ARPC4: variants seen among roughly 807,000 people sequenced by gnomAD.
ARPC4 encodes actin related protein 2/3 complex subunit 4.
A neutral mutation model predicts 22.8 loss-of-function variants in ARPC4; 3 were observed. The observed-to-expected ratio is 0.13, with a 90% CI of 0.06 to 0.34. ARPC4 has a LOEUF of 0.34. Among genes scored for constraint, ARPC4 ranks in the 10% least tolerant of loss-of-function variants. The pLI, the probability that ARPC4 is intolerant of heterozygous loss-of-function variation, is 1.00. For missense variants in ARPC4, 98 were observed against 211.0 expected, an observed-to-expected ratio of 0.46 and a Z score of 3.32; for synonymous variants, 80 against 72.5, an observed-to-expected ratio of 1.10 and a Z score of -0.52.
chr3:9,795,417 A>G (rs959823845), intron 1 of ARPC4, among the ~76,000 whole-genome samples: 2 of 152,114 alleles, frequency 1.3e-5, no homozygotes, highest in Non-Finnish European at 2.9e-5. Context: ...CCACAGAGCC[A>G]TCATGCAGCT....
intron 1 of ARPC4, among the ~76,000 whole-genome samples, chr3:9,793,429 C>T (rs2078800648): frequency 6.6e-6 from 1 of 152,154 alleles, no homozygotes; most frequent in Non-Finnish European, 1.5e-5. Flanking sequence ...TGGAGCATTT[C>T]GAGGGTACGT....
chr3:9,792,788 G>C (rs750853249), upstream of ARPC4: 4 of 1,262,442 alleles, frequency 3.2e-6, no homozygotes, highest in Non-Finnish European at 4.0e-6. Flanking sequence ...CTAATTTGGT[G>C]CCCAATCTGA....
upstream of ARPC4, chr3:9,793,055 G>A (rs2078783334): frequency 2.6e-6 from 4 of 1,544,408 alleles, no homozygotes; most frequent in South Asian, 2.4e-5. Context: ...CGCTTCTCGC[G>A]AAAGGGCAGG....
At chr3:9,798,817 T>C (rs918593001) in intron 2 of ARPC4, among the ~76,000 whole-genome samples, 8 of 152,186 alleles carry the variant, frequency 5.3e-5, no homozygotes, top group Admixed American at 1.3e-4. Flanking sequence ...GAGGTTGCAG[T>C]GAGCCAAGAT....
chr3:9,796,667 T>A (rs188520071), intron 1 of ARPC4, among the ~76,000 whole-genome samples: 5 of 151,596 alleles, frequency 3.3e-5, no homozygotes, highest in African/African-American at 9.7e-5. Context: ...TCTGGCAGGG[T>A]GTGGTGGCTC....
chr3:9,796,140 T>G (rs1005451400), intron 1 of ARPC4, among the ~76,000 whole-genome samples: 1 of 151,866 alleles, frequency 6.6e-6, no homozygotes, highest in African/African-American at 2.4e-5. Flanking sequence ...ACGCCTGTAA[T>G]CCCAACACTT....
At chr3:9,792,670 G>A (rs2078768343), upstream of ARPC4, 2 of 1,232,906 alleles carry the variant, frequency 1.6e-6, no homozygotes, top group African/African-American at 3.1e-5. Context: ...AGATCTCCGC[G>A]CTGCAGTTAG....
chr3:9,803,777 G>A, intron 4 of ARPC4, 66 bp from the exon 5 acceptor site: 2 of 1,525,312 alleles, frequency 1.3e-6, no homozygotes, highest in Admixed American at 1.7e-5. Flanking sequence ...GACCAGCTCA[G>A]TTCCCATGGG....
intron 2 of ARPC4, among the ~76,000 whole-genome samples, chr3:9,799,653 G>C (rs921346356): frequency 3.9e-5 from 6 of 152,116 alleles, no homozygotes; most frequent in Non-Finnish European, 8.8e-5. Context: ...ATGTTGGCCA[G>C]GCTGGTCTCG....
At chr3:9,799,253 G>T (rs1248748113) in intron 2 of ARPC4, among the ~76,000 whole-genome samples, 2 of 152,156 alleles carry the variant, frequency 1.3e-5, no homozygotes, top group Non-Finnish European at 2.9e-5. Context: ...TGTTCTCTCT[G>T]TATTCCTAAA....
upstream of ARPC4, chr3:9,792,931 C>G (rs906613910): frequency 7.2e-7 from 1 of 1,397,372 alleles, no homozygotes; most frequent in Non-Finnish European, 9.3e-7. Context: ...TTTAAAAATA[C>G]CGAGACAGCC....
In ARPC4 at chr3:9,793,095, C is replaced by T. The variant is rs370014933; in HGVS notation, c.-27C>T. The T allele has an allele frequency of 4.9e-3, 7,569 of 1,545,346 alleles. 27 individuals carry two copies. Among genetic ancestry groups the T allele is most frequent in the Non-Finnish European group, 6.0e-3 (6,899 of 1,145,096 alleles). On this transcript the variant is annotated 5_prime_UTR_variant, in exon 1 of 6. Coordinates refer to ENST00000397261, the MANE Select transcript of ARPC4 (RefSeq NM_005718.5). Reference sequence around the variant, plus strand: ...GCGGGGCTGGCCACTTCCGTACTTCCGCTTTCCGGCCCAGCCAGCGCCCGC... The same window carrying T: ...GCGGGGCTGGCCACTTCCGTACTTCTGCTTTCCGGCCCAGCCAGCGCCCGC...
chr3:9,794,705 T>C (rs963087747), intron 1 of ARPC4, among the ~76,000 whole-genome samples: 2 of 152,066 alleles, frequency 1.3e-5, no homozygotes, highest in South Asian at 2.1e-4. Context: ...TCAAGTTGTG[T>C]AACCACTACT....
At chr3:9,795,783 A>G (rs2078869771) in intron 1 of ARPC4, among the ~76,000 whole-genome samples, 1 of 152,208 alleles carries the variant, frequency 6.6e-6, no homozygotes, top group African/African-American at 2.4e-5. Flanking sequence ...CAGCCTAGTA[A>G]AGGAGAAATC....
chr3:9,793,046 G>C, upstream of ARPC4: 1 of 1,543,460 alleles, frequency 6.5e-7, no homozygotes. Flanking sequence ...CCGTAGCTGC[G>C]CTTCTCGCGA....
upstream of ARPC4, chr3:9,793,050 C>T (rs2125632262): frequency 1.9e-6 from 3 of 1,544,174 alleles, no homozygotes; most frequent in East Asian, 2.5e-5. Context: ...AGCTGCGCTT[C>T]TCGCGAAAGG....
chr3:9,798,332 C>T (rs777883911), intron 2 of ARPC4, among the ~76,000 whole-genome samples: 2 of 151,964 alleles, frequency 1.3e-5, no homozygotes, highest in African/African-American at 2.4e-5. Context: ...CCCTGTAATC[C>T]GAGCACTTTA....
At chr3:9,797,047 TA>T (rs2078909938) in intron 1 of ARPC4, among the ~76,000 whole-genome samples, 1 of 151,264 alleles carries the variant, frequency 6.6e-6, no homozygotes, top group East Asian at 1.9e-4. Context: ...CTTGTAAATC[TA>T]AATATTTCAC....
chr3:9,799,872 C>T (rs1278042499), intron 2 of ARPC4: 2 of 511,934 alleles, frequency 3.9e-6, no homozygotes, highest in South Asian at 3.1e-5. Flanking sequence ...TTTTTGATCT[C>T]TCTCAGTCCT....
Sources: allele counts gnomAD v4.1 joint callset (sites outside exome capture counted in the v4.1 genomes callset), GRCh38; gene constraint gnomAD v4.1.1; transcripts MANE v1.5; gene names NCBI Gene and HGNC (gene_info 2026-07-23, HGNC 2026-07-21).